Variants in ADCY9 observed in about 807,000 individuals in gnomAD.
ADCY9 encodes adenylate cyclase 9.
ADCY9 carries 50 observed loss-of-function variants against 101.5 expected under a neutral mutation model. That is an observed-to-expected ratio of 0.49 (90% CI 0.39 to 0.62). The LOEUF is 0.62. ADCY9 is among the 20% of genes least tolerant of loss of function. ADCY9 has a pLI of 0.00. For missense variants in ADCY9, 1,662 were observed against 1,800.4 expected (o/e 0.92, Z 1.39); for synonymous variants, 905 against 769.3 (o/e 1.18, Z -2.92).
chr16:3,983,136 G>T (rs1486403311), intron 7 of ADCY9, 96 bp downstream of exon 7: 1 of 1,183,774 alleles, frequency 8.4e-7, no homozygotes, highest in Non-Finnish European at 1.2e-6. Context: ...AGGGACAGCT[G>T]GCTGGGGACC....
At chr16:4,088,735 G>C (rs961553827) in intron 2 of ADCY9, among the ~76,000 whole-genome samples, 5 of 151,930 alleles carry the variant, frequency 3.3e-5, no homozygotes, top group African/African-American at 1.2e-4. Context: ...ATCTTATCTT[G>C]CCAATCTACA....
At chr16:3,976,753 G>A (rs963182197) in intron 9 of ADCY9, among the ~76,000 whole-genome samples, 3 of 152,166 alleles carry the variant, frequency 2.0e-5, no homozygotes, top group Non-Finnish European at 4.4e-5. Flanking sequence ...CGCCTCCCGG[G>A]TACAAGCGGT....
At chr16:4,108,759 G>A (rs1196298693) in intron 2 of ADCY9, among the ~76,000 whole-genome samples, 1 of 146,918 alleles carries the variant, frequency 6.8e-6, no homozygotes, top group Non-Finnish European at 1.5e-5. Context: ...AGGCTGGAGT[G>A]CAATGGTGCA....
At chr16:4,097,553 A>ATATTTTTTTTTT (rs1382458827) in intron 2 of ADCY9, among the ~76,000 whole-genome samples, 2 of 53,416 alleles carry the variant, frequency 3.7e-5, no homozygotes, top group Non-Finnish European at 6.1e-5. Flanking sequence ...ATATATATAT[A>ATATTTTTTTTTT]TTTTTTTTTT....
At chr16:4,067,613 C>T (rs1208813503) in intron 2 of ADCY9, among the ~76,000 whole-genome samples, 2 of 152,066 alleles carry the variant, frequency 1.3e-5, no homozygotes, top group East Asian at 1.9e-4. Context: ...CTCTACCCAC[C>T]CCAGAGAGAT....
chr16:4,038,190 G>A (rs2601795), intron 2 of ADCY9, among the ~76,000 whole-genome samples: 134,196 of 151,944 alleles, frequency 0.88, 59,377 homozygotes, highest in South Asian at 0.97. Flanking sequence ...CTGAGGTGGG[G>A]GGATCGCCTG....
chr16:4,022,693 C>G (rs893475726), intron 2 of ADCY9, among the ~76,000 whole-genome samples: 3 of 151,938 alleles, frequency 2.0e-5, no homozygotes, highest in African/African-American at 7.3e-5. Context: ...ATTTGGGAGG[C>G]TGAAGCAGAA....
intron 3 of ADCY9, among the ~76,000 whole-genome samples, chr16:3,999,646 G>T (rs181147817): frequency 6.6e-6 from 1 of 152,180 alleles, no homozygotes; most frequent in South Asian, 2.1e-4. Flanking sequence ...CACGCCTGGC[G>T]GGCCAGGGAG....
At chr16:4,101,352 T>A (rs540436938) in intron 2 of ADCY9, among the ~76,000 whole-genome samples, 1 of 149,364 alleles carries the variant, frequency 6.7e-6, no homozygotes, top group African/African-American at 2.5e-5. Context: ...CAATCACAGC[T>A]CACTGCAGCC....
chr16:4,040,305 G>T (rs915540615), intron 2 of ADCY9, among the ~76,000 whole-genome samples: 2 of 151,996 alleles, frequency 1.3e-5, no homozygotes, highest in Non-Finnish European at 2.9e-5. Flanking sequence ...GGTGAGGTTG[G>T]GTTTTTCTTT....
chr16:3,989,146 G>T, intron 5 of ADCY9, 50 bp from the exon 6 acceptor site: 2 of 1,338,282 alleles, frequency 1.5e-6, no homozygotes, highest in Non-Finnish European at 1.1e-6. Flanking sequence ...CCATAACTGT[G>T]CCAATGTTTT....
intron 6 of ADCY9, among the ~76,000 whole-genome samples, chr16:3,985,980 G>A (rs1175634580): frequency 4.7e-4 from 12 of 25,454 alleles, no homozygotes; most frequent in Non-Finnish European, 1.2e-3. Flanking sequence ...CTCTCCCCAT[G>A]GGCGAAACCC....
intron 2 of ADCY9, among the ~76,000 whole-genome samples, chr16:4,011,890 CAGG>C (rs1032264365): frequency 8.5e-5 from 13 of 152,326 alleles, no homozygotes; most frequent in African/African-American, 3.1e-4. Flanking sequence ...AAGGCGAGGG[CAGG>C]AGGAGGGCTT....
At chr16:4,097,059 C>T (rs897527123) in intron 2 of ADCY9, among the ~76,000 whole-genome samples, 3 of 152,052 alleles carry the variant, frequency 2.0e-5, no homozygotes, top group African/African-American at 7.2e-5. Flanking sequence ...GATAAATATA[C>T]TTCTTGAAAT....
chr16:4,051,901 C>T (rs1011055802), intron 2 of ADCY9, among the ~76,000 whole-genome samples: 1 of 152,118 alleles, frequency 6.6e-6, no homozygotes, highest in Non-Finnish European at 1.5e-5. Flanking sequence ...GGATATTTTC[C>T]GAGTCCCCAA....
At chr16:4,025,137 T>G (rs892963341) in intron 2 of ADCY9, among the ~76,000 whole-genome samples, 2 of 151,600 alleles carry the variant, frequency 1.3e-5, no homozygotes, top group Admixed American at 6.6e-5. Flanking sequence ...CCGAGGCGGG[T>G]GGATCACCTG....
intron 2 of ADCY9, among the ~76,000 whole-genome samples, chr16:4,105,118 G>C (rs531051768): frequency 1.3e-5 from 2 of 151,468 alleles, no homozygotes; most frequent in East Asian, 3.9e-4. Context: ...AGACATTAAA[G>C]AGATTTGCAA....
intron 2 of ADCY9, among the ~76,000 whole-genome samples, chr16:4,019,960 C>T (rs1336522124): frequency 2.6e-5 from 4 of 152,138 alleles, no homozygotes; most frequent in South Asian, 4.2e-4. Flanking sequence ...AGCCTGTAAT[C>T]CCAGCTACTC....
chr16:4,116,122 C>T lies in ADCY9; in HGVS notation c.-476G>A, dbSNP rs2057151062. 1 of 146,072 alleles carries T rather than the reference C, an allele frequency of 6.8e-6. No individual in the cohort carries two copies. The highest frequency in any genetic ancestry group is 1.5e-5 in the Non-Finnish European group (1 of 65,748). The allele number at this position is 146,072 out of a possible 1,614,324, so 9.0% of individuals were successfully genotyped here. A position where few individuals can be genotyped will look rare whatever the true frequency, so the allele number is the denominator to read the frequency against. ...CGGGCTGCGAGTGCGCGGAGCCCGT[C>T]GGCGCGGCCCGTCTAGTGGGGCCTG... is the stretch of plus-strand genomic sequence containing the variant. On this transcript the variant is annotated 5_prime_UTR_variant, in exon 1 of 11. Coordinates refer to ENST00000294016, the MANE Select transcript of ADCY9 (RefSeq NM_001116.4).
Sources: allele counts gnomAD v4.1 joint callset (sites outside exome capture counted in the v4.1 genomes callset), GRCh38; gene constraint gnomAD v4.1.1; transcripts MANE v1.5; gene names NCBI Gene and HGNC (gene_info 2026-07-23, HGNC 2026-07-21).